Variants in SPAG17 observed in about 807,000 individuals in gnomAD.
The protein encoded by SPAG17 is sperm-associated antigen 17.
SPAG17 carries 169 observed loss-of-function variants against 273.6 expected under a neutral mutation model. The observed-to-expected ratio is 0.62, with a 90% confidence interval of 0.55 to 0.70. SPAG17 has a LOEUF of 0.70. Ranked by LOEUF, SPAG17 falls within the 30% of genes least tolerant of loss-of-function variation. The pLI is 0.00. For synonymous variants in SPAG17, 825 were observed against 873.2 expected, an observed-to-expected ratio of 0.94 and a Z score of 0.97; for missense variants, 2,557 against 2,627.8, an observed-to-expected ratio of 0.97 and a Z score of 0.59.
At chr1:118,019,615 G>A (rs2101821584) in intron 28 of SPAG17, among the ~76,000 whole-genome samples, 1 of 152,260 alleles carries the variant, frequency 6.6e-6, no homozygotes, top group Admixed American at 6.5e-5. Flanking sequence ...CAAATTTACA[G>A]ATTCAGGAAG....
intron 12 of SPAG17, 71 bp from the exon 13 acceptor site, chr1:118,086,143 G>T: frequency 7.2e-7 from 1 of 1,383,636 alleles, no homozygotes; most frequent in Non-Finnish European, 1.0e-6. Flanking sequence ...TATGGAGAAG[G>T]CTAAACATGA....
intron 1 of SPAG17, among the ~76,000 whole-genome samples, chr1:118,163,361 T>G (rs1320591144): frequency 6.6e-6 from 1 of 152,150 alleles, no homozygotes; most frequent in Non-Finnish European, 1.5e-5. Flanking sequence ...TCTTTGTCCA[T>G]GTCCTGCTTG....
chr1:118,126,456 G>C (rs907799377), intron 3 of SPAG17, among the ~76,000 whole-genome samples: 2 of 151,602 alleles, frequency 1.3e-5, no homozygotes, highest in African/African-American at 4.8e-5. Context: ...CTTGTGATCT[G>C]CCTGTCTCAG....
intron 1 of SPAG17, among the ~76,000 whole-genome samples, chr1:118,156,061 A>AT (rs1659633280): frequency 6.6e-6 from 1 of 152,366 alleles, no homozygotes; most frequent in African/African-American, 2.4e-5. Flanking sequence ...CTATGCACTA[A>AT]TCTTTTTATT....
intron 30 of SPAG17, 86 bp from the exon 31 acceptor site, chr1:118,008,284 C>A: frequency 6.8e-7 from 1 of 1,463,238 alleles, no homozygotes; most frequent in South Asian, 1.2e-5. Flanking sequence ...CTGCTGTTTC[C>A]TGGCTGTCTG....
chr1:118,180,921 G>T (rs564355381), intron 1 of SPAG17, among the ~76,000 whole-genome samples: 31 of 152,012 alleles, frequency 2.0e-4, no homozygotes, highest in Admixed American at 1.8e-3. Flanking sequence ...AGGAGTTAAA[G>T]AAAAATGTAT....
At chr1:117,997,949 G>A (rs964165716) in intron 32 of SPAG17, among the ~76,000 whole-genome samples, 7 of 152,170 alleles carry the variant, frequency 4.6e-5, no homozygotes, top group Middle Eastern at 6.8e-3. Context: ...GATAGTCGTG[G>A]TGTTGAAAGA....
At chr1:117,958,370 G>C (rs1652526623) in intron 48 of SPAG17, among the ~76,000 whole-genome samples, 1 of 152,014 alleles carries the variant, frequency 6.6e-6, no homozygotes, top group Admixed American at 6.6e-5. Context: ...TATGGTATAC[G>C]TGCTATTGAA....
In SPAG17 at chr1:118,152,377, C is replaced by T. The variant is rs554618457; in HGVS notation, c.88-1008G>A. ...ATGTCTAAGATTTGAAAAGGTCACA[C>T]AAATTTAATAAAATGCATCATTTTA... On this transcript the variant is annotated intron_variant, in intron 1 of 48. Coordinates refer to ENST00000336338, the MANE Select transcript of SPAG17 (RefSeq NM_206996.4). Among the ~76,000 whole-genome samples, 3 of 152,294 alleles carry T rather than the reference C, an allele frequency of 2.0e-5. No individual in the cohort carries two copies. In the South Asian group the frequency reaches 6.2e-4, roughly 32 times the overall value.
At chr1:118,000,620 G>A (rs574767578) in intron 32 of SPAG17, among the ~76,000 whole-genome samples, 19 of 152,190 alleles carry the variant, frequency 1.2e-4, no homozygotes, top group Non-Finnish European at 2.2e-4. Flanking sequence ...TTGGCTCTCC[G>A]CTTGTCTGTT....
chr1:118,004,313 A>C (rs1658626955), intron 32 of SPAG17, among the ~76,000 whole-genome samples: 1 of 152,198 alleles, frequency 6.6e-6, no homozygotes, highest in African/African-American at 2.4e-5. Context: ...CTCGGAGTTC[A>C]AACGCCATGT....
intron 23 of SPAG17, 116 bp downstream of exon 23, chr1:118,039,176 T>G: frequency 9.2e-7 from 1 of 1,084,102 alleles, no homozygotes. Flanking sequence ...AATAAGAGAG[T>G]GTACTGGTAG....
chr1:118,059,746 G>C (rs988687206), intron 18 of SPAG17, among the ~76,000 whole-genome samples: 1 of 152,026 alleles, frequency 6.6e-6, no homozygotes, highest in African/African-American at 2.4e-5. Context: ...TATGATATAA[G>C]TGTAGACAAC....
At chr1:118,155,825 G>A (rs1325891624) in intron 1 of SPAG17, among the ~76,000 whole-genome samples, 1 of 152,202 alleles carries the variant, frequency 6.6e-6, no homozygotes, top group Non-Finnish European at 1.5e-5. Context: ...AGGGATTTGT[G>A]AATGTCTTTC....
At chr1:118,084,954 C>A (rs547817325) in intron 13 of SPAG17, among the ~76,000 whole-genome samples, 1 of 152,250 alleles carries the variant, frequency 6.6e-6, no homozygotes, top group Non-Finnish European at 1.5e-5. Context: ...TATGATTCAT[C>A]TTTCTAGATA....
At chr1:117,969,585 A>G (rs1571094267) in intron 46 of SPAG17, among the ~76,000 whole-genome samples, 2 of 151,904 alleles carry the variant, frequency 1.3e-5, no homozygotes, top group East Asian at 3.8e-4. Context: ...TCTCAAAATA[A>G]ATAAATAAAT....
Position 118,040,641 on chromosome 1 carries a change from G to A in SPAG17, c.3166+89C>T, listed in dbSNP as rs76808001. 2.5e-3 allele frequency: 2,060 copies of A among 824,744 alleles called. 56 individuals are homozygous for A. The East Asian group carries it at 0.047, about 19-fold the overall frequency. 51.1% of individuals were successfully genotyped at this position (824,744 alleles called of 1,614,324 possible). On this transcript the variant is annotated intron_variant, in intron 22 of 48. Coordinates refer to ENST00000336338, the MANE Select transcript of SPAG17 (RefSeq NM_206996.4). ...TTGTGGGGGACAGAATAACACTCTC[G>A]CCTATCAAACTCAGGAGTAGAGGGC...
intron 43 of SPAG17, among the ~76,000 whole-genome samples, chr1:117,974,856 G>A (rs1654967426): frequency 6.6e-6 from 1 of 152,188 alleles, no homozygotes; most frequent in African/African-American, 2.4e-5. Flanking sequence ...ACGATCTGCA[G>A]GTGAGTGCCA....
Position 118,055,904 on chromosome 1 carries a change from C to A in SPAG17, c.2551G>T (p.Glu851Ter). 1 of 1,604,000 alleles carries A rather than the reference C, an allele frequency of 6.2e-7. No individual in the cohort carries two copies. The highest frequency in any genetic ancestry group is 1.1e-5 in the South Asian group (1 of 88,348). The change falls in exon 19 of 49, where the codon GAA becomes TAA. Residue 851 changes from glutamate (E) to a stop codon, truncating the protein, a stop_gained. Transcript: ENST00000336338. LOFTEE classifies it high-confidence loss of function. The stretch of plus-strand genomic sequence containing the variant: ...TCTTGAATAGATTTTGCAACAAGTT[C>A]CAAATAATTCCTAAACAAACCAATA... The part of the protein sequence containing the change: ...HSNVGFRNYL[E>*]LVAKSIQDWI...
Sources: gnomAD v4.1 joint callset for allele counts (sites outside exome capture counted in the v4.1 genomes callset) on GRCh38, gnomAD v4.1.1 for gene constraint, MANE v1.5 for transcripts, NCBI Gene and HGNC (gene_info 2026-07-23, HGNC 2026-07-21) for gene names.